Variants in TNFRSF11A observed in about 807,000 individuals in gnomAD.
The protein encoded by TNFRSF11A is TNF receptor superfamily member 11a.
Under a neutral mutation model 55.7 loss-of-function variants are expected in TNFRSF11A, and 32 were observed. The ratio of observed to expected loss-of-function variants is 0.57; its 90% CI spans 0.43 to 0.77. The LOEUF is 0.77. Among genes scored for constraint, TNFRSF11A ranks in the 30% least tolerant of loss-of-function variants. The pLI, the probability that TNFRSF11A is intolerant of heterozygous loss-of-function variation, is 0.00. For missense variants in TNFRSF11A, 753 were observed against 809.8 expected, an observed-to-expected ratio of 0.93 and a Z score of 0.85; for synonymous variants, 311 against 331.0, an observed-to-expected ratio of 0.94 and a Z score of 0.65.
chr18:62,354,642 T>C (rs1381497970), intron 4 of TNFRSF11A, 108 bp downstream of exon 4: 21 of 1,519,528 alleles, frequency 1.4e-5, no homozygotes, highest in East Asian at 2.3e-5. Context: ...CTAGGCAGCA[T>C]TGGAGGAACC....
chr18:62,329,980 G>A (rs2046128660), intron 1 of TNFRSF11A, among the ~76,000 whole-genome samples: 1 of 152,210 alleles, frequency 6.6e-6, no homozygotes, highest in African/African-American at 2.4e-5. Context: ...TGTTTTGTGA[G>A]CCACCGTCGA....
rs1299785665 is a variant in TNFRSF11A at position 62,389,492 on chromosome 18, C to G, written c.*4458C>G. 2.0e-5 allele frequency: 3 copies of G among 152,274 alleles called. No individual in the cohort carries two copies. Among genetic ancestry groups the G allele is most frequent in the Non-Finnish European group, 4.4e-5 (3 of 68,126 alleles). 9.4% of individuals were successfully genotyped at this position (152,274 alleles called of 1,614,324 possible). On this transcript the variant is annotated 3_prime_UTR_variant, in exon 10 of 10. Transcript: ENST00000586569. Reference sequence around the variant, plus strand: ...ACTGCGGCAAAACAATCCTATGTCCCCCAAGGTTTCAACAAAGAGGAGGAC... The same window carrying G: ...ACTGCGGCAAAACAATCCTATGTCCGCCAAGGTTTCAACAAAGAGGAGGAC...
intron 3 of TNFRSF11A, among the ~76,000 whole-genome samples, chr18:62,351,635 A>G (rs997004965): frequency 7.2e-6 from 1 of 139,448 alleles, no homozygotes; most frequent in Non-Finnish European, 1.6e-5. Context: ...AAGTTACTGC[A>G]TTTATCCTGT....
chr18:62,385,659 A>ACCCCCCCCCC lies in TNFRSF11A; in HGVS notation c.*626_*627insCCCCCCCCCC, dbSNP rs886054093. The ACCCCCCCCCC allele has an allele frequency of 1.3e-5, 1 of 74,592 alleles. No homozygotes were observed. The highest frequency in any genetic ancestry group is 3.0e-5 in the Non-Finnish European group (1 of 32,854). The allele number at this position is 74,592 out of a possible 1,614,324, so 4.6% of individuals were successfully genotyped here. A position where few individuals can be genotyped will look rare whatever the true frequency, so the allele number is the denominator to read the frequency against. ...GGCCACGCCCAGCTTCCTCCCCCCG[A>ACCCCCCCCCC]CTCCCCCCCCAGAGACACGGTCCCA... On this transcript the variant is annotated 3_prime_UTR_variant, in exon 10 of 10. Coordinates refer to ENST00000586569, the MANE Select transcript of TNFRSF11A (RefSeq NM_003839.4).
rs955207424 is a variant in TNFRSF11A at position 62,356,864 on chromosome 18, G to A, written c.428-1384G>A. ...GAGCAAGGAAAGGAGCCTGCAGGAT[G>A]CTTCTGGCAGGTCAGTGTTACTAAG... On this transcript the variant is annotated intron_variant, in intron 4 of 9. Coordinates refer to ENST00000586569, the MANE Select transcript of TNFRSF11A (RefSeq NM_003839.4). Among the ~76,000 whole-genome samples the A allele has an allele frequency of 2.6e-5, 4 of 152,328 alleles. No individual in the cohort carries two copies. The South Asian group carries it at 6.2e-4, about 24-fold the overall frequency.
intron 1 of TNFRSF11A, among the ~76,000 whole-genome samples, chr18:62,337,107 AAT>A (rs541357035): frequency 1.0e-3 from 152 of 152,366 alleles, no homozygotes; most frequent in African/African-American, 3.6e-3. Context: ...CAGAATGGTG[AAT>A]ATGTCAGGAC....
chr18:62,358,759 G>C (rs745888833), intron 5 of TNFRSF11A, among the ~76,000 whole-genome samples: 1 of 152,094 alleles, frequency 6.6e-6, no homozygotes, highest in African/African-American at 2.4e-5. Context: ...TGTCAACATC[G>C]TGGGGTTTTT....
At chr18:62,339,430 C>A (rs2046280816) in intron 1 of TNFRSF11A, among the ~76,000 whole-genome samples, 1 of 152,208 alleles carries the variant, frequency 6.6e-6, no homozygotes, top group African/African-American at 2.4e-5. Context: ...ACGTGGACAC[C>A]AGTCTGAGGC....
rs1000613709 is a variant in TNFRSF11A, at chr18:62,348,474, C to T, written c.157+225C>T. 2.6e-5 allele frequency among the ~76,000 whole-genome samples: 4 copies of T among 152,280 alleles called. No individual in the cohort carries two copies. In the East Asian group the frequency reaches 5.8e-4, roughly 22 times the overall value. ...ACAAAAACAACTTTAAAAACTGTTG[C>T]TTAATTTGGGCTGAAACACAATTTT... On this transcript the variant is annotated intron_variant, in intron 2 of 9. Transcript: ENST00000586569.
At position 62,386,449 on chromosome 18, in the gene TNFRSF11A, G is replaced by C. The variant is rs972489584; in HGVS notation, c.*1415G>C. On this transcript the variant is annotated 3_prime_UTR_variant, in exon 10 of 10. Transcript: ENST00000586569. ...TAAGAAAACTTATTATCCTAAAGGT[G>C]CCTTTCTCTTGGCATCATCCCGCTT... The C allele has an allele frequency of 6.6e-6, 1 of 152,140 alleles. No homozygotes were observed. The highest frequency in any genetic ancestry group is 1.5e-5 in the Non-Finnish European group (1 of 68,032). The allele number at this position is 152,140 out of a possible 1,614,324, so 9.4% of individuals were successfully genotyped here.
At chr18:62,376,074 T>C (rs553999759) in intron 9 of TNFRSF11A, among the ~76,000 whole-genome samples, 39 of 152,270 alleles carry the variant, frequency 2.6e-4, no homozygotes, top group African/African-American at 7.5e-4. Context: ...CATCATTGGC[T>C]ACTCTGGCTG....
intron 3 of TNFRSF11A, among the ~76,000 whole-genome samples, 196 bp from the exon 4 acceptor site, chr18:62,354,195 C>G (rs148237173): frequency 1.3e-5 from 2 of 152,328 alleles, no homozygotes; most frequent in Admixed American, 6.5e-5. Flanking sequence ...AAGAACCCCC[C>G]CGTGACGTTT....
rs879118841 is a variant in TNFRSF11A, at chr18:62,385,354, G to GGGGTT, written c.*320_*321insGGGTT. 1 of 202,832 alleles carries GGGGTT rather than the reference G, an allele frequency of 4.9e-6. No individual in the cohort carries two copies. The highest frequency in any genetic ancestry group is 6.7e-5 in the Admixed American group (1 of 14,960). The allele number at this position is 202,832 out of a possible 1,614,324, so 12.6% of individuals were successfully genotyped here. On this transcript the variant is annotated 3_prime_UTR_variant, in exon 10 of 10. Transcript: ENST00000586569. ...ACTATCCTGTTCTGTGGGGGGGGGGGTCTGTTTTCCCCCCATATTTGTATT... is the reference window on the plus strand; with the variant it reads ...ACTATCCTGTTCTGTGGGGGGGGGGGGGGTTTCTGTTTTCCCCCCATATTTGTATT...
intron 4 of TNFRSF11A, among the ~76,000 whole-genome samples, chr18:62,357,522 C>G (rs1322232580): frequency 1.3e-5 from 2 of 152,298 alleles, no homozygotes; most frequent in East Asian, 1.9e-4. Context: ...GGAACACACC[C>G]TCGTGCATTG....
chr18:62,357,909 C>A (rs1486531575), intron 4 of TNFRSF11A: 1 of 302,080 alleles, frequency 3.3e-6, no homozygotes, highest in Non-Finnish European at 6.5e-6. Context: ...AACAAAGTGT[C>A]GGTGACCAGG....
intron 1 of TNFRSF11A, among the ~76,000 whole-genome samples, chr18:62,327,966 G>A (rs927733060): frequency 1.1e-4 from 17 of 152,186 alleles, no homozygotes; most frequent in African/African-American, 3.9e-4. Flanking sequence ...AAATATAGAT[G>A]CACACTGTTT....
chr18:62,331,360 G>A (rs1364867427), intron 1 of TNFRSF11A, among the ~76,000 whole-genome samples: 1 of 152,218 alleles, frequency 6.6e-6, no homozygotes, highest in African/African-American at 2.4e-5. Context: ...TTCAAGTGAA[G>A]AAGTGTTGTT....
At chr18:62,351,487 G>A (rs2145300324) in intron 3 of TNFRSF11A, among the ~76,000 whole-genome samples, 1 of 152,310 alleles carries the variant, frequency 6.6e-6, no homozygotes, top group East Asian at 1.9e-4. Flanking sequence ...AACATTAGCA[G>A]CTGCTGATGG....
intron 4 of TNFRSF11A, among the ~76,000 whole-genome samples, chr18:62,356,521 T>A (rs1909268393): frequency 6.6e-6 from 1 of 152,346 alleles, no homozygotes; most frequent in East Asian, 1.9e-4. Flanking sequence ...TGGAAATGGG[T>A]TCATTTTTGG....
Sources: gnomAD v4.1 joint callset for allele counts (sites outside exome capture counted in the v4.1 genomes callset) on GRCh38, gnomAD v4.1.1 for gene constraint, MANE v1.5 for transcripts, NCBI Gene and HGNC (gene_info 2026-07-23, HGNC 2026-07-21) for gene names.